TMEM232: variants seen among roughly 807,000 people sequenced by gnomAD.
TMEM232 encodes the protein transmembrane protein 232.
Under a neutral mutation model 78.8 loss-of-function variants are expected in TMEM232, and 80 were observed. That is an observed-to-expected ratio of 1.01 (90% confidence interval 0.85 to 1.22). The LOEUF (loss-of-function observed/expected upper bound fraction) is 1.22. Among genes scored for constraint, TMEM232 ranks in the 50% most tolerant of loss-of-function variants. TMEM232 has a pLI of 0.00. For missense variants in TMEM232, 881 were observed against 742.2 expected (o/e 1.19, Z -2.17); for synonymous variants, 297 against 254.3 (o/e 1.17, Z -1.60).
chr5:110,673,112 AC>A (rs1383596031), intron 1 of TMEM232, among the ~76,000 whole-genome samples: 7 of 152,218 alleles, frequency 4.6e-5, no homozygotes, highest in African/African-American at 1.7e-4. Flanking sequence ...ACCATGGAAT[AC>A]TATGCAGCCA....
chr5:110,658,713 A>C (rs1042571676), intron 2 of TMEM232, among the ~76,000 whole-genome samples: 2 of 152,168 alleles, frequency 1.3e-5, no homozygotes, highest in African/African-American at 4.8e-5. Flanking sequence ...GTGAAATGTA[A>C]TTATTAATCC....
chr5:110,423,869 T>C (rs1756953862), intron 13 of TMEM232, among the ~76,000 whole-genome samples: 2 of 151,972 alleles, frequency 1.3e-5, no homozygotes, highest in South Asian at 4.1e-4. Flanking sequence ...TTCTAGATAA[T>C]TTAGTTGAAG....
intron 1 of TMEM232, among the ~76,000 whole-genome samples, chr5:110,710,142 G>A (rs575689283): frequency 9.2e-5 from 14 of 152,070 alleles, no homozygotes; most frequent in Admixed American, 7.2e-4. Flanking sequence ...GCAACTCTAC[G>A]CCAAAAAATC....
intron 12 of TMEM232, among the ~76,000 whole-genome samples, chr5:110,486,916 G>A (rs73220764): frequency 0.015 from 2,324 of 151,776 alleles, 62 homozygotes; most frequent in African/African-American, 0.054. Context: ...CAGTCTGGTC[G>A]TTTTCATAAT....
At chr5:110,466,314 T>G (rs1762070769) in intron 12 of TMEM232, among the ~76,000 whole-genome samples, 1 of 152,178 alleles carries the variant, frequency 6.6e-6, no homozygotes, top group Non-Finnish European at 1.5e-5. Context: ...GAGAACTAAT[T>G]TAAAAGCATA....
chr5:110,396,308 C>T (rs776062665), intron 3 of TMEM232, among the ~76,000 whole-genome samples: 6 of 152,114 alleles, frequency 3.9e-5, no homozygotes, highest in Non-Finnish European at 8.8e-5. Context: ...GTGGGGATTA[C>T]AATTCAACAT....
chr5:110,705,461 G>T (rs994732749), intron 1 of TMEM232, among the ~76,000 whole-genome samples: 5 of 152,018 alleles, frequency 3.3e-5, no homozygotes, highest in Admixed American at 6.6e-5. Flanking sequence ...TGCTAAGTGG[G>T]TAAATCAAAC....
chr5:110,636,986 T>C (rs776154085), intron 5 of TMEM232, among the ~76,000 whole-genome samples: 23 of 151,708 alleles, frequency 1.5e-4, no homozygotes, highest in Admixed American at 2.6e-4. Flanking sequence ...AGGCAAGAAA[T>C]GGAGAAAGGT....
chr5:110,696,462 G>T (rs1794791987), intron 1 of TMEM232, among the ~76,000 whole-genome samples: 1 of 152,244 alleles, frequency 6.6e-6, no homozygotes, highest in Middle Eastern at 3.4e-3. Context: ...GGGCAATTAG[G>T]CAGGAGAAGG....
intron 1 of TMEM232, among the ~76,000 whole-genome samples, chr5:110,714,297 T>C (rs1796801980): frequency 6.6e-6 from 1 of 152,204 alleles, no homozygotes; most frequent in South Asian, 2.1e-4. Flanking sequence ...CTAGGACACC[T>C]ATATGCTCAT....
intron 2 of TMEM232, among the ~76,000 whole-genome samples, chr5:110,666,068 G>T (rs1194405561): frequency 6.6e-6 from 1 of 152,084 alleles, no homozygotes; most frequent in East Asian, 1.9e-4. Context: ...CAGCCTGGAT[G>T]ACCCTGTCTC....
chr5:110,699,335 C>T (rs1157108671), intron 1 of TMEM232, among the ~76,000 whole-genome samples: 2 of 152,060 alleles, frequency 1.3e-5, no homozygotes, highest in African/African-American at 4.8e-5. Context: ...AGAAATAATA[C>T]ATCTAACTGA....
intron 2 of TMEM232, among the ~76,000 whole-genome samples, chr5:110,660,681 ATTTTT>A (rs1680377119): frequency 6.6e-6 from 1 of 152,052 alleles, no homozygotes; most frequent in Non-Finnish European, 1.5e-5. Flanking sequence ...TTGCTTTATT[ATTTTT>A]TATTTTTCAT....
At chr5:110,560,907 A>G (rs1561690540) in intron 11 of TMEM232, among the ~76,000 whole-genome samples, 1 of 152,124 alleles carries the variant, frequency 6.6e-6, no homozygotes, top group South Asian at 2.1e-4. Context: ...CCCAACTTTA[A>G]TCATCCATTA....
intron 12 of TMEM232, among the ~76,000 whole-genome samples, chr5:110,456,957 T>G (rs1426293062): frequency 6.6e-6 from 1 of 152,130 alleles, no homozygotes; most frequent in Non-Finnish European, 1.5e-5. Context: ...TCTTTTTGGG[T>G]TAGGCAAGAT....
upstream of TMEM232, among the ~76,000 whole-genome samples, chr5:110,730,393 TA>T (rs1798564332): frequency 6.6e-6 from 1 of 152,266 alleles, no homozygotes; most frequent in South Asian, 2.1e-4. Flanking sequence ...GACAATTTCT[TA>T]ACTATTTTTG....
At chr5:110,410,033 T>G (rs1024319485) in intron 2 of TMEM232, among the ~76,000 whole-genome samples, 1 of 152,194 alleles carries the variant, frequency 6.6e-6, no homozygotes, top group East Asian at 1.9e-4. Flanking sequence ...TATAGGAATA[T>G]AGATAGAGCT....
At chr5:110,657,953 A>G (rs184192753) in intron 2 of TMEM232, among the ~76,000 whole-genome samples, 93 of 152,324 alleles carry the variant, frequency 6.1e-4, no homozygotes, top group African/African-American at 2.1e-3. Context: ...ATTTCAAATA[A>G]CAATTAATAT....
At chr5:110,529,481 A>C (rs1305312198) in intron 11 of TMEM232, among the ~76,000 whole-genome samples, 1 of 152,128 alleles carries the variant, frequency 6.6e-6, no homozygotes, top group Non-Finnish European at 1.5e-5. Flanking sequence ...TCCTGACCTC[A>C]GGTGATCCAC....
Sources: allele counts gnomAD v4.1 joint callset (sites outside exome capture counted in the v4.1 genomes callset), GRCh38; gene constraint gnomAD v4.1.1; transcripts MANE v1.5; gene names NCBI Gene and HGNC (gene_info 2026-07-23, HGNC 2026-07-21).